The following SPATS2 variants were observed in gnomAD, a reference collection of about 807,000 sequenced individuals.
SPATS2 encodes the protein spermatogenesis-associated serine-rich protein 2.
In SPATS2, 38 loss-of-function variants were observed where a neutral mutation model predicts 63.7. The ratio of observed to expected loss-of-function variants is 0.60; its 90% CI spans 0.46 to 0.78. The LOEUF is 0.78. Among genes scored for constraint, SPATS2 ranks in the 30% least tolerant of loss-of-function variants. The pLI is 0.00. For synonymous variants in SPATS2, 207 were observed against 232.9 expected, an observed-to-expected ratio of 0.89 and a Z score of 1.01; for missense variants, 588 against 666.2, an observed-to-expected ratio of 0.88 and a Z score of 1.29.
At chr12:49,519,216 T>C in intron 11 of SPATS2, 34 bp downstream of exon 11, 1 of 1,548,972 alleles carries the variant, frequency 6.5e-7, no homozygotes, top group East Asian at 2.3e-5. Flanking sequence ...CCTTTCTTCT[T>C]ATCCTCAGGG....
intron 2 of SPATS2, among the ~76,000 whole-genome samples, chr12:49,373,091 G>A (rs567783824): frequency 2.6e-5 from 4 of 151,952 alleles, no homozygotes; most frequent in Non-Finnish European, 5.9e-5. Flanking sequence ...TCCTTCGTCA[G>A]CCTCCTGAGT....
At chr12:49,395,658 G>A (rs916251165) in intron 2 of SPATS2, among the ~76,000 whole-genome samples, 82 of 150,336 alleles carry the variant, frequency 5.5e-4, no homozygotes, top group African/African-American at 1.8e-3. Flanking sequence ...ACTCCTGACC[G>A]CAGGTGATCC....
chr12:49,517,988 C>T (rs1946878954), intron 10 of SPATS2, among the ~76,000 whole-genome samples: 1 of 152,120 alleles, frequency 6.6e-6, no homozygotes, highest in African/African-American at 2.4e-5. Context: ...AGAATATGTT[C>T]ACCACCTCCT....
chr12:49,370,712 C>G (rs1278423900), intron 1 of SPATS2, among the ~76,000 whole-genome samples: 3 of 152,096 alleles, frequency 2.0e-5, no homozygotes, highest in Non-Finnish European at 4.4e-5. Context: ...CCTCAAACTC[C>G]AGGGCTTAAA....
chr12:49,451,048 T>C (rs1280119910), intron 2 of SPATS2, among the ~76,000 whole-genome samples: 2 of 151,446 alleles, frequency 1.3e-5, no homozygotes, highest in African/African-American at 4.9e-5. Flanking sequence ...TTTTTTGTAT[T>C]TTTAGTAGAG....
At chr12:49,453,540 A>G (rs1945662692) in intron 2 of SPATS2, among the ~76,000 whole-genome samples, 1 of 152,128 alleles carries the variant, frequency 6.6e-6, no homozygotes, top group African/African-American at 2.4e-5. Flanking sequence ...GGCTGGGCTC[A>G]GTGCTTCAGG....
At chr12:49,475,385 A>T (rs1014244001) in intron 3 of SPATS2, among the ~76,000 whole-genome samples, 3 of 152,208 alleles carry the variant, frequency 2.0e-5, no homozygotes, top group African/African-American at 7.2e-5. Context: ...TTGCTACAAA[A>T]AAATTACAAT....
rs114381687 is a variant in SPATS2, at chr12:49,434,847, A to G, written c.-243-25923A>G. 5.2e-3 allele frequency among the ~76,000 whole-genome samples: 792 copies of G among 152,282 alleles called. 9 individuals carry two copies. The highest frequency in any genetic ancestry group is 0.018 in the African/African-American group (729 of 41,570). Reference sequence around the variant, plus strand: ...TTTATCATTTAGTAAGCAGTAACAAATTTATATAAAAACCCAGATTTAATA... The same window carrying G: ...TTTATCATTTAGTAAGCAGTAACAAGTTTATATAAAAACCCAGATTTAATA... On this transcript the variant is annotated intron_variant, in intron 2 of 13. Coordinates refer to ENST00000552918, the MANE Select transcript of SPATS2 (RefSeq NM_023071.4).
At chr12:49,404,872 T>C (rs1033131121) in intron 2 of SPATS2, among the ~76,000 whole-genome samples, 15 of 152,186 alleles carry the variant, frequency 9.9e-5, no homozygotes, top group African/African-American at 3.1e-4. Flanking sequence ...TCTTATACTT[T>C]TAAGTGGTTG....
At chr12:49,503,410 G>A (rs1197647872) in intron 9 of SPATS2, among the ~76,000 whole-genome samples, 2 of 151,478 alleles carry the variant, frequency 1.3e-5, no homozygotes, top group East Asian at 3.9e-4. Flanking sequence ...AGCGCTTTGG[G>A]AGGCCGAGGC....
At chr12:49,391,257 T>C (rs1162863155) in intron 2 of SPATS2, among the ~76,000 whole-genome samples, 1 of 152,228 alleles carries the variant, frequency 6.6e-6, no homozygotes, top group African/African-American at 2.4e-5. Flanking sequence ...CTCACGCCTG[T>C]AATCCCAGCA....
chr12:49,397,671 TA>T (rs376475270), intron 2 of SPATS2, among the ~76,000 whole-genome samples: 1 of 150,078 alleles, frequency 6.7e-6, no homozygotes, highest in Non-Finnish European at 1.5e-5. Context: ...CTACAAAAAA[TA>T]AAAAAAAGCT....
chr12:49,417,961 A>G (rs1218364834), intron 2 of SPATS2, among the ~76,000 whole-genome samples: 1 of 151,884 alleles, frequency 6.6e-6, no homozygotes, highest in Non-Finnish European at 1.5e-5. Context: ...GCTCACTGCA[A>G]CCTCCACCTC....
intron 2 of SPATS2, 139 bp from the exon 3 acceptor site, chr12:49,460,631 G>A (rs1272189964): frequency 1.1e-5 from 2 of 181,414 alleles, no homozygotes; most frequent in Non-Finnish European, 2.3e-5. Context: ...CTGCTTTTCA[G>A]CAGCTACATT....
Position 49,402,007 on chromosome 12 carries a change from C to T in SPATS2, c.-244+30717C>T, listed in dbSNP as rs147727007. Among the ~76,000 whole-genome samples, 296 of 152,284 alleles carry T rather than the reference C, an allele frequency of 1.9e-3. 1 individual carries two copies. The highest frequency in any genetic ancestry group is 6.7e-3 in the African/African-American group (278 of 41,564). ...GTTGATTGATTGTCTGACAGGGTCT[C>T]GCTCTGTCGCCCAGGCTGGAGTGCA... On this transcript the variant is annotated intron_variant, in intron 2 of 13. Coordinates refer to ENST00000552918, the MANE Select transcript of SPATS2 (RefSeq NM_023071.4).
At position 49,424,174 on chromosome 12, in the gene SPATS2, G is replaced by C. The variant is rs532904921; in HGVS notation, c.-243-36596G>C. The stretch of plus-strand genomic sequence containing the variant: ...GCTGAGATCCTGCCACTGCACTCCA[G>C]CCTGGGCAACAGAACGGGACTCTGT... On this transcript the variant is annotated intron_variant, in intron 2 of 13. Transcript: ENST00000552918. Among the ~76,000 whole-genome samples the C allele has an allele frequency of 3.9e-5, 6 of 152,272 alleles. No homozygotes were observed. The South Asian group carries it at 1.2e-3, about 32-fold the overall frequency.
At position 49,408,888 on chromosome 12, in the gene SPATS2, C is replaced by T. The variant is rs118190824; in HGVS notation, c.-244+37598C>T. On this transcript the variant is annotated intron_variant, in intron 2 of 13. Transcript: ENST00000552918. ...GATAGTATTCTAAAGGCACAAGATT[C>T]TTTTACATGTTATTTTCTGTAATAA... Among the ~76,000 whole-genome samples the T allele has an allele frequency of 3.4e-3, 523 of 152,224 alleles. 9 individuals carry two copies. The East Asian group carries it at 0.069, about 20-fold the overall frequency.
chr12:49,510,246 G>T (rs1485967188), intron 9 of SPATS2, among the ~76,000 whole-genome samples: 3 of 148,326 alleles, frequency 2.0e-5, no homozygotes, highest in Non-Finnish European at 4.5e-5. Context: ...CTGGGTGACA[G>T]AGCAAGACCC....
intron 3 of SPATS2, among the ~76,000 whole-genome samples, chr12:49,472,611 TTATA>T (rs139641031): frequency 1.4e-5 from 2 of 145,122 alleles, no homozygotes; most frequent in Non-Finnish European, 3.0e-5. Context: ...TTTATATATT[TTATA>T]TATATATATA....
Sources: allele counts gnomAD v4.1 joint callset (sites outside exome capture counted in the v4.1 genomes callset), GRCh38; gene constraint gnomAD v4.1.1; transcripts MANE v1.5; gene names NCBI Gene and HGNC (gene_info 2026-07-23, HGNC 2026-07-21).